Variants in PP2D1 observed in about 807,000 individuals in gnomAD.
PP2D1 encodes the protein protein phosphatase 2C-like domain-containing protein 1.
PP2D1 carries 25 observed loss-of-function variants against 30.2 expected under a neutral mutation model. The observed-to-expected ratio is 0.83, with a 90% confidence interval of 0.60 to 1.16. PP2D1 has a LOEUF of 1.16. Ranked by LOEUF, PP2D1 falls within the 50% of genes most tolerant of loss-of-function variation. The probability of loss-of-function intolerance (pLI) is 0.00; values close to 1 mark genes in which losing one functional copy is unlikely to be tolerated. For synonymous variants in PP2D1, 260 were observed against 258.9 expected (o/e 1.00, Z -0.04); for missense variants, 760 against 742.4 (o/e 1.02, Z -0.28).
chr3:19,985,386 CAG>C lies in PP2D1; in HGVS notation c.1885_1886del (p.Leu629AspfsTer5). 6.6e-7 allele frequency: 1 copy of C among 1,521,786 alleles called. No individual in the cohort carries two copies. The highest frequency in any genetic ancestry group is 8.8e-7 in the Non-Finnish European group (1 of 1,139,566). 94.3% of individuals were successfully genotyped at this position (1,521,786 alleles called of 1,614,324 possible). A position where few individuals can be genotyped will look rare whatever the true frequency, so the allele number is the denominator to read the frequency against. On this transcript the variant is annotated frameshift_variant, in exon 3 of 3. Transcript: ENST00000389050. LOFTEE classifies it high-confidence loss of function. ...TAATTGGAACTTTATTTTTTTATGT[CAG>C]AAGCTGATATTCACTTCCATTGAGA... ...IFLNGSEYQL[L>X]T
rs1436507314 is a variant in PP2D1, at chr3:20,001,273, G to A, written c.847C>T (p.His283Tyr). The A allele has an allele frequency of 6.5e-7, 1 of 1,536,142 alleles. No homozygotes were observed. Among genetic ancestry groups the A allele is most frequent in the South Asian group, 1.2e-5 (1 of 84,044 alleles). The stretch of plus-strand genomic sequence containing the variant: ...CAAAATGCTTTTGCAAAGGCTTTGT[G>A]TGTGTCCTCATACTCACACCTCACT... ...EAVRCEYEDT[H>Y]KAFAKAFWRM... is the part of the protein sequence containing the mutation. The change falls in exon 2 of 3, where the codon CAC becomes TAC. Residue 283 changes from histidine to tyrosine, a missense_variant. By Grantham distance (83) the His-to-Tyr change is moderately conservative (BLOSUM62 2). Coordinates refer to ENST00000389050, the MANE Select transcript of PP2D1 (RefSeq NM_001252657.2).
At chr3:19,985,318 A>T, downstream of PP2D1, 1 of 1,149,644 alleles carries the variant, frequency 8.7e-7, no homozygotes, top group Non-Finnish European at 1.2e-6. Context: ...TCATCCTAAT[A>T]GCTGGATCAT....
intron 1 of PP2D1, among the ~76,000 whole-genome samples, chr3:20,006,013 G>A (rs1697314218): frequency 6.6e-6 from 1 of 152,162 alleles, no homozygotes; most frequent in Admixed American, 6.5e-5. Context: ...GGGAGGCCAA[G>A]GCAGGTGGGT....
intron 1 of PP2D1, 141 bp from the exon 2 acceptor site, chr3:20,002,237 C>CA: frequency 1.6e-6 from 1 of 618,666 alleles, no homozygotes; most frequent in Non-Finnish European, 2.8e-6. Flanking sequence ...TCATATTTCT[C>CA]AAAAAACATG....
downstream of PP2D1, chr3:19,983,814 T>C (rs1696979581): frequency 1.3e-6 from 2 of 1,596,432 alleles, no homozygotes; most frequent in South Asian, 1.1e-5. Flanking sequence ...ATCAGTGTTG[T>C]AGTAACTAAA....
At chr3:19,987,192 C>T (rs1245100386) in intron 2 of PP2D1, among the ~76,000 whole-genome samples, 1 of 152,018 alleles carries the variant, frequency 6.6e-6, no homozygotes, top group Non-Finnish European at 1.5e-5. Context: ...TGATGGTGTG[C>T]TTCATTGAAA....
In PP2D1 at chr3:19,985,978, A is replaced by C; in HGVS notation, c.1295T>G (p.Ile432Ser). 1 of 1,536,180 alleles carries C rather than the reference A, an allele frequency of 6.5e-7. No homozygotes were observed. Reference sequence around the variant, plus strand: ...AGAAATAGTTTGAGGTGCTGGGATAATGGATTTTTTCAGCTTGAGATTTCC... The same window carrying C: ...AGAAATAGTTTGAGGTGCTGGGATACTGGATTTTTTCAGCTTGAGATTTCC... ...FHGNLKLKKS[I>S]IPAPQTISVP... is the part of the protein sequence containing the mutation. Residue 432 changes from isoleucine (I) to serine (S), a missense_variant, in exon 3 of 3, where the codon ATT becomes AGT. Ile to Ser is a moderately radical substitution (Grantham distance 142, BLOSUM62 -2). Around this residue, in one of 3 missense-constraint regions of PP2D1, gnomAD observed 369 missense variants for 316.2 expected, o/e 1.17. Coordinates refer to ENST00000389050, the MANE Select transcript of PP2D1 (RefSeq NM_001252657.2).
intron 2 of PP2D1, among the ~76,000 whole-genome samples, chr3:19,991,420 CAA>C (rs1455942345): frequency 1.3e-5 from 2 of 152,028 alleles, no homozygotes; most frequent in African/African-American, 4.8e-5. Context: ...TTGATTAAAA[CAA>C]GAGAGTTTAA....
At chr3:20,009,050 T>C (rs1697355995) in intron 1 of PP2D1, among the ~76,000 whole-genome samples, 1 of 152,110 alleles carries the variant, frequency 6.6e-6, no homozygotes, top group Non-Finnish European at 1.5e-5. Context: ...ATCAGATCGA[T>C]GGGAGAGGAT....
intron 2 of PP2D1, among the ~76,000 whole-genome samples, chr3:19,987,333 T>C (rs539861141): frequency 6.6e-6 from 1 of 152,258 alleles, no homozygotes; most frequent in African/African-American, 2.4e-5. Context: ...CCCCAAGTTT[T>C]TAGGAATATA....
At chr3:19,987,937 G>T (rs1010785724) in intron 2 of PP2D1, among the ~76,000 whole-genome samples, 3 of 152,152 alleles carry the variant, frequency 2.0e-5, no homozygotes, top group Non-Finnish European at 4.4e-5. Context: ...AAATTGTGAA[G>T]ATTTCATGGA....
At chr3:19,999,441 G>T (rs995503825) in intron 2 of PP2D1, among the ~76,000 whole-genome samples, 1 of 99,430 alleles carries the variant, frequency 1.0e-5, no homozygotes, top group African/African-American at 3.9e-5. Flanking sequence ...GAGTGCAGTG[G>T]TGTGATCTCA....
At chr3:19,991,369 T>C (rs1245600466) in intron 2 of PP2D1, among the ~76,000 whole-genome samples, 1 of 152,158 alleles carries the variant, frequency 6.6e-6, no homozygotes, top group Non-Finnish European at 1.5e-5. Context: ...GTAGGCAATA[T>C]CAACATTTTT....
intron 1 of PP2D1, among the ~76,000 whole-genome samples, chr3:20,005,152 TTTA>T (rs1559500080): frequency 6.7e-6 from 1 of 148,656 alleles, no homozygotes; most frequent in African/African-American, 2.5e-5. Flanking sequence ...CATTTTTTTT[TTTA>T]AATTTATTTT....
chr3:20,001,889 A>G lies in PP2D1; in HGVS notation c.231T>C (p.Gly77=), dbSNP rs899733409. 1.3e-6 allele frequency: 2 copies of G among 1,536,144 alleles called. No homozygotes were observed. The highest frequency in any genetic ancestry group is 1.7e-6 in the Non-Finnish European group (2 of 1,146,944). ...SICKHEIDLT[G]IFLHKKQHVA... is the part of the protein sequence containing the mutation. ...CATGTTGCTTCTTATGGAGAAAAAT[A>G]CCAGTTAGGTCAATTTCGTGCTTGC... Residue 77 remains glycine (G), a synonymous_variant, in exon 2 of 3, where the codon GGT becomes GGC. Coordinates refer to ENST00000389050, the MANE Select transcript of PP2D1 (RefSeq NM_001252657.2).
intron 1 of PP2D1, among the ~76,000 whole-genome samples, chr3:20,004,793 A>G (rs913946121): frequency 6.6e-6 from 1 of 152,170 alleles, no homozygotes; most frequent in African/African-American, 2.4e-5. Flanking sequence ...TTTGGTTACA[A>G]AATATTTTAA....
At chr3:20,002,777 C>T (rs541250064) in intron 1 of PP2D1, among the ~76,000 whole-genome samples, 1 of 151,712 alleles carries the variant, frequency 6.6e-6, no homozygotes, top group Non-Finnish European at 1.5e-5. Context: ...AAAACTAGTT[C>T]GGGCGCGGTG....
chr3:20,007,754 G>A (rs1204088822), intron 1 of PP2D1: 1 of 113,484 alleles, frequency 8.8e-6, no homozygotes, highest in African/African-American at 3.6e-5. Flanking sequence ...GGCAACAAGA[G>A]CAAAAATCCG....
At chr3:19,995,322 T>C (rs1175746812) in intron 2 of PP2D1, among the ~76,000 whole-genome samples, 1 of 152,162 alleles carries the variant, frequency 6.6e-6, no homozygotes, top group Non-Finnish European at 1.5e-5. Flanking sequence ...TTGTAAGAGA[T>C]ACACAGAGTA....
Sources: allele counts gnomAD v4.1 joint callset (sites outside exome capture counted in the v4.1 genomes callset), GRCh38; gene constraint gnomAD v4.1.1; regional missense constraint gnomAD v4.1.1; transcripts MANE v1.5; gene names NCBI Gene and HGNC (gene_info 2026-07-23, HGNC 2026-07-21).